Variants in CCDC138 observed in about 807,000 individuals in gnomAD.
CCDC138 encodes the protein coiled-coil domain-containing protein 138.
A neutral mutation model predicts 82.3 loss-of-function variants in CCDC138; 66 were observed. The observed-to-expected ratio is 0.80, with a 90% CI of 0.66 to 0.98. The LOEUF (loss-of-function observed/expected upper bound fraction) is 0.98. CCDC138 is among the 50% of genes least tolerant of loss of function. The pLI is 0.00. For missense variants in CCDC138, 816 were observed against 758.9 expected (o/e 1.08, Z -0.88); for synonymous variants, 297 against 265.4 (o/e 1.12, Z -1.16).
chr2:108,811,245 CTCT>C lies in CCDC138; in HGVS notation c.856-1384_856-1382del, dbSNP rs1370937419. Among the ~76,000 whole-genome samples, 56 of 109,610 alleles carry C rather than the reference CTCT, an allele frequency of 5.1e-4. 4 individuals are homozygous for C. Among genetic ancestry groups the C allele is most frequent in the South Asian group, 3.9e-3 (13 of 3,304 alleles). 71.9% of individuals were successfully genotyped at this position (109,610 alleles called of 152,430 possible). A position where few individuals can be genotyped will look rare whatever the true frequency, so the allele number is the denominator to read the frequency against. ...CTCTCCCTTTTCTTTCTTTCTCTCT[CTCT>C]TTTTTTTTTTTTTTGACTGTCTCCC... On this transcript the variant is annotated intron_variant, in intron 7 of 14. Coordinates refer to ENST00000295124, the MANE Select transcript of CCDC138 (RefSeq NM_144978.3).
At chr2:108,851,047 A>G (rs1277584944) in intron 12 of CCDC138, among the ~76,000 whole-genome samples, 2 of 152,058 alleles carry the variant, frequency 1.3e-5, no homozygotes, top group Non-Finnish European at 2.9e-5. Flanking sequence ...CTGGCTTCAA[A>G]TTGGGGTTCC....
rs540413307 is a variant in CCDC138 at position 108,828,983 on chromosome 2, GA to G, written c.1207-10195del. ...ACAGTGTGAGACTCCCTCTCAAAAAGAAAAAAATTTAACTCAAAATGGGTCA... is the reference window on the plus strand; with the variant it reads ...ACAGTGTGAGACTCCCTCTCAAAAAGAAAAAATTTAACTCAAAATGGGTCA... On this transcript the variant is annotated intron_variant, in intron 10 of 14. Transcript: ENST00000295124. Among the ~76,000 whole-genome samples the G allele has an allele frequency of 3.5e-3, 533 of 151,876 alleles. 7 individuals carry two copies. The highest frequency in any genetic ancestry group is 0.012 in the African/African-American group (506 of 41,414).
At chr2:108,861,878 T>TTTTG (rs1693678467) in intron 13 of CCDC138, among the ~76,000 whole-genome samples, 1 of 152,130 alleles carries the variant, frequency 6.6e-6, no homozygotes, top group African/African-American at 2.4e-5. Flanking sequence ...ATCCTACAGG[T>TTTTG]TTTGGTATGT....
At chr2:108,822,246 A>G (rs1431163343) in intron 10 of CCDC138, among the ~76,000 whole-genome samples, 3 of 152,244 alleles carry the variant, frequency 2.0e-5, no homozygotes, top group African/African-American at 7.2e-5. Flanking sequence ...AGGTAAATTC[A>G]CCAAGAAGAT....
At chr2:108,810,494 G>A (rs1347313139) in intron 7 of CCDC138, among the ~76,000 whole-genome samples, 1 of 152,132 alleles carries the variant, frequency 6.6e-6, no homozygotes, top group African/African-American at 2.4e-5. Context: ...GAGCCTTCCT[G>A]TGTCCCTGGG....
chr2:108,847,281 A>G (rs1690655321), intron 12 of CCDC138, among the ~76,000 whole-genome samples: 1 of 152,200 alleles, frequency 6.6e-6, no homozygotes, highest in Admixed American at 6.5e-5. Context: ...AATCTGGCCT[A>G]CCACCTGTTT....
At chr2:108,819,471 A>G (rs1051389472) in intron 10 of CCDC138, among the ~76,000 whole-genome samples, 3 of 152,204 alleles carry the variant, frequency 2.0e-5, no homozygotes, top group African/African-American at 7.2e-5. Context: ...GCTGCAGGAA[A>G]CAGAAGTGAT....
At chr2:108,849,089 A>G (rs186698159) in intron 12 of CCDC138, among the ~76,000 whole-genome samples, 3 of 152,322 alleles carry the variant, frequency 2.0e-5, no homozygotes, top group Non-Finnish European at 4.4e-5. Context: ...CCTGAAATTT[A>G]AAAATACACT....
chr2:108,862,500 T>G (rs1693800518), intron 13 of CCDC138, among the ~76,000 whole-genome samples: 1 of 152,168 alleles, frequency 6.6e-6, no homozygotes, highest in Non-Finnish European at 1.5e-5. Flanking sequence ...TGATTACAGT[T>G]AATAACAAGT....
chr2:108,847,241 G>A (rs1295574092), intron 12 of CCDC138, among the ~76,000 whole-genome samples: 1 of 152,098 alleles, frequency 6.6e-6, no homozygotes, highest in African/African-American at 2.4e-5. Context: ...TTCCACTAGC[G>A]AATGTGTTGG....
At chr2:108,788,755 G>A (rs1462812607) in intron 2 of CCDC138, 97 bp from the exon 3 acceptor site, 4 of 1,476,190 alleles carry the variant, frequency 2.7e-6, no homozygotes, top group Non-Finnish European at 3.6e-6. Context: ...TGAGAGAGAA[G>A]ATTTTAAAAA....
intron 10 of CCDC138, among the ~76,000 whole-genome samples, chr2:108,838,365 T>A (rs1226496398): frequency 6.6e-6 from 1 of 152,332 alleles, no homozygotes; most frequent in African/African-American, 2.4e-5. Context: ...AATACACTCA[T>A]AATCATTAGT....
intron 12 of CCDC138, among the ~76,000 whole-genome samples, chr2:108,853,920 ATATT>A (rs1558737383): frequency 5.7e-5 from 7 of 122,902 alleles, no homozygotes; most frequent in Admixed American, 1.0e-4. Flanking sequence ...TATAGTATAT[ATATT>A]ATATATAATT....
downstream of CCDC138, among the ~76,000 whole-genome samples, chr2:108,880,487 G>A (rs1258865166): frequency 6.6e-6 from 1 of 152,176 alleles, no homozygotes; most frequent in African/African-American, 2.4e-5. Context: ...CATAGCTAGA[G>A]AGGAGCCAGG....
At chr2:108,787,590 T>G (rs1288314298) in intron 1 of CCDC138, among the ~76,000 whole-genome samples, 1 of 152,220 alleles carries the variant, frequency 6.6e-6, no homozygotes, top group African/African-American at 2.4e-5. Context: ...ATAAAACCTT[T>G]TATAGGAAAA....
intron 13 of CCDC138, among the ~76,000 whole-genome samples, chr2:108,858,039 T>C (rs1421334577): frequency 1.3e-5 from 2 of 152,226 alleles, no homozygotes; most frequent in Non-Finnish European, 2.9e-5. Flanking sequence ...TTGTTTACCA[T>C]TGTCCAGGTT....
At chr2:108,843,062 A>G (rs1195431279) in intron 11 of CCDC138, among the ~76,000 whole-genome samples, 1 of 152,064 alleles carries the variant, frequency 6.6e-6, no homozygotes, top group Non-Finnish European at 1.5e-5. Flanking sequence ...TTTGTTTACT[A>G]TGTTCTTCTC....
chr2:108,871,370 T>TAA (rs59725353), intron 13 of CCDC138, among the ~76,000 whole-genome samples: 25 of 76,628 alleles, frequency 3.3e-4, no homozygotes, highest in African/African-American at 7.8e-4. Flanking sequence ...CCAACTCTAT[T>TAA]AAAAAAAAAA....
exon 3 of CCDC138, chr2:108,885,129 A>C (rs1457338814): frequency 2.0e-5 from 3 of 152,200 alleles, no homozygotes; most frequent in Non-Finnish European, 2.9e-5. Flanking sequence ...TGAAACTTCC[A>C]GCCTTTCTTC....
Sources: allele counts gnomAD v4.1 joint callset (sites outside exome capture counted in the v4.1 genomes callset), GRCh38; gene constraint gnomAD v4.1.1; transcripts MANE v1.5; gene names NCBI Gene and HGNC (gene_info 2026-07-23, HGNC 2026-07-21).